Variants in LMBRD1 observed in about 807,000 individuals in gnomAD.
LMBRD1 encodes lysosomal cobalamin transport escort protein LMBD1.
A neutral mutation model predicts 74.8 loss-of-function variants in LMBRD1; 64 were observed. That is an observed-to-expected ratio of 0.86 (90% confidence interval 0.70 to 1.05). LMBRD1 has a LOEUF of 1.05. LMBRD1 is among the 50% of genes least tolerant of loss of function. The probability of loss-of-function intolerance (pLI) is 0.00; values close to 1 mark genes in which losing one functional copy is unlikely to be tolerated. For missense variants in LMBRD1, 652 were observed against 645.9 expected, an observed-to-expected ratio of 1.01 and a Z score of -0.10; for synonymous variants, 204 against 216.3, an observed-to-expected ratio of 0.94 and a Z score of 0.50.
intron 5 of LMBRD1, among the ~76,000 whole-genome samples, chr6:69,747,958 A>T (rs1765029044): frequency 6.6e-6 from 1 of 152,250 alleles, no homozygotes; most frequent in Non-Finnish European, 1.5e-5. Context: ...TATGATAATG[A>T]GAAGAACACT....
At chr6:69,683,919 T>C (rs1765712032) in intron 14 of LMBRD1, among the ~76,000 whole-genome samples, 1 of 152,028 alleles carries the variant, frequency 6.6e-6, no homozygotes, top group African/African-American at 2.4e-5. Context: ...AAATATAATA[T>C]GAGGATCAAG....
Position 69,699,068 on chromosome 6 carries a change from TAC to T in LMBRD1, c.1311_1312del (p.Met437IlefsTer11). 6.2e-7 allele frequency: 1 copy of T among 1,603,966 alleles called. No individual in the cohort carries two copies. Among genetic ancestry groups the T allele is most frequent in the South Asian group, 1.1e-5 (1 of 90,770 alleles). On this transcript the variant is annotated frameshift_variant, in exon 13 of 16. Transcript: ENST00000649934. LOFTEE classifies it high-confidence loss of function. ...CTCTATTAAGTAATTTTGGCTTCCA[TAC>T]ATAACATATTGGGGAGCAAGACTAT...
chr6:69,704,911 T>TTTG (rs1766217346), intron 9 of LMBRD1, among the ~76,000 whole-genome samples: 1 of 151,736 alleles, frequency 6.6e-6, no homozygotes, highest in East Asian at 1.9e-4. Flanking sequence ...ACATTTGTTT[T>TTTG]TTTTTTTTCC....
intron 14 of LMBRD1, among the ~76,000 whole-genome samples, chr6:69,692,581 T>C (rs1210375033): frequency 1.3e-5 from 2 of 152,168 alleles, no homozygotes; most frequent in Non-Finnish European, 1.5e-5. Flanking sequence ...TATGATAACA[T>C]ACCAAATATA....
chr6:69,702,444 C>A (rs1766154789), intron 9 of LMBRD1, among the ~76,000 whole-genome samples: 1 of 151,826 alleles, frequency 6.6e-6, no homozygotes, highest in Admixed American at 6.6e-5. Context: ...AAAGCCTATA[C>A]AAGTGATACT....
chr6:69,689,948 C>A (rs780496476), intron 14 of LMBRD1, among the ~76,000 whole-genome samples: 13 of 152,010 alleles, frequency 8.6e-5, no homozygotes, highest in Non-Finnish European at 1.8e-4. Context: ...CCAGGAATCA[C>A]CCTCCCATTC....
chr6:69,774,991 G>GGAAGGAAGGCAGGA (rs1394719550), intron 3 of LMBRD1, among the ~76,000 whole-genome samples: 1 of 42,628 alleles, frequency 2.3e-5, no homozygotes, highest in African/African-American at 9.5e-5. Context: ...GGAAGGAAGG[G>GGAAGGAAGGCAGGA]AGGGAGGGAG....
chr6:69,724,359 A>C (rs1224513891), intron 7 of LMBRD1, among the ~76,000 whole-genome samples: 4 of 149,398 alleles, frequency 2.7e-5, no homozygotes, highest in Admixed American at 6.6e-5. Context: ...AAAAAAAAAA[A>C]AAAAAACACT....
chr6:69,758,607 G>A (rs1369200965), intron 3 of LMBRD1, among the ~76,000 whole-genome samples: 2 of 152,060 alleles, frequency 1.3e-5, no homozygotes, highest in Admixed American at 1.3e-4. Context: ...TGATGTTATG[G>A]CACTGCCATA....
chr6:69,715,808 T>C (rs945649738), intron 8 of LMBRD1, among the ~76,000 whole-genome samples: 1 of 152,164 alleles, frequency 6.6e-6, no homozygotes, highest in Non-Finnish European at 1.5e-5. Context: ...TAGTATGCAC[T>C]GTTCCCCTCT....
rs753073697 is a variant in LMBRD1 at position 69,676,199 on chromosome 6, A to C, written c.1582T>G (p.Ser528Ala). The change falls in exon 16 of 16, where the codon TCA (serine) becomes GCA (alanine). Residue 528 changes from serine (S) to alanine (A), a missense_variant. Ser to Ala is a moderately conservative substitution (Grantham distance 99). Coordinates refer to ENST00000649934, the MANE Select transcript of LMBRD1 (RefSeq NM_018368.4). ...GAGGGCTCATCATCACTTATGTCTG[A>C]ATCTTCATCTACTCCTTCAATAACC... Reference protein sequence around the residue: ...KSVIEGVDEDSDISDDEPSVY... With the variant: ...KSVIEGVDEDADISDDEPSVY... 1.2e-6 allele frequency: 2 copies of C among 1,613,490 alleles called. No individual in the cohort carries two copies. The highest frequency in any genetic ancestry group is 3.3e-5 in the Admixed American group (2 of 59,968).
chr6:69,722,954 C>G (rs976554334), intron 7 of LMBRD1, among the ~76,000 whole-genome samples: 1 of 152,060 alleles, frequency 6.6e-6, no homozygotes, highest in African/African-American at 2.4e-5. Context: ...TACATTTCAC[C>G]TACAAAGACA....
intron 7 of LMBRD1, among the ~76,000 whole-genome samples, chr6:69,720,656 C>T (rs1766594940): frequency 6.6e-6 from 1 of 152,132 alleles, no homozygotes; most frequent in African/African-American, 2.4e-5. Context: ...ATCTGAAATG[C>T]TCCAAGAGAG....
intron 9 of LMBRD1, chr6:69,705,375 G>A: frequency 9.3e-6 from 8 of 857,950 alleles, no homozygotes; most frequent in Non-Finnish European, 1.6e-5. Flanking sequence ...GATGAACTTG[G>A]CTTCCACTTT....
At chr6:69,787,627 T>G (rs1765985253) in intron 2 of LMBRD1, among the ~76,000 whole-genome samples, 1 of 152,062 alleles carries the variant, frequency 6.6e-6, no homozygotes, top group African/African-American at 2.4e-5. Context: ...GCATCTGTAA[T>G]CCCAGATACT....
chr6:69,796,639 C>G (rs1390584525), intron 1 of LMBRD1, among the ~76,000 whole-genome samples, 174 bp downstream of exon 1: 1 of 152,150 alleles, frequency 6.6e-6, no homozygotes, highest in African/African-American at 2.4e-5. Flanking sequence ...ATCGACACCC[C>G]CCTGCCCCCG....
chr6:69,784,379 C>A (rs888737825), intron 2 of LMBRD1, among the ~76,000 whole-genome samples: 1 of 152,154 alleles, frequency 6.6e-6, no homozygotes, highest in Non-Finnish European at 1.5e-5. Flanking sequence ...TGCTGCATAA[C>A]CCAAAACTCC....
intron 3 of LMBRD1, among the ~76,000 whole-genome samples, chr6:69,758,266 T>C (rs1383385899): frequency 1.3e-5 from 2 of 152,116 alleles, no homozygotes; most frequent in Admixed American, 6.6e-5. Context: ...AGAAAAGCAG[T>C]CAATATTGTG....
chr6:69,752,687 A>T lies in LMBRD1; in HGVS notation c.308-331T>A, dbSNP rs555040963. 2.2e-4 allele frequency among the ~76,000 whole-genome samples: 34 copies of T among 152,340 alleles called. 1 individual carries two copies. The highest frequency in any genetic ancestry group is 8.2e-4 in the African/African-American group (34 of 41,584). On this transcript the variant is annotated intron_variant, in intron 3 of 15. Coordinates refer to ENST00000649934, the MANE Select transcript of LMBRD1 (RefSeq NM_018368.4). ...AACTACAATGCTGAGAACGTCCTAT[A>T]AACCATCCCATTTAAATGAACTTTA...
Sources: gnomAD v4.1 joint callset for allele counts (sites outside exome capture counted in the v4.1 genomes callset) on GRCh38, gnomAD v4.1.1 for gene constraint, MANE v1.5 for transcripts, NCBI Gene and HGNC (gene_info 2026-07-23, HGNC 2026-07-21) for gene names.